Variants in FAM171A1 observed in about 807,000 individuals in gnomAD.
FAM171A1 encodes the protein family with sequence similarity 171 member A1.
In FAM171A1, 23 loss-of-function variants were observed where a neutral mutation model predicts 74.9. That is an observed-to-expected ratio of 0.31 (90% CI 0.22 to 0.44). The LOEUF (loss-of-function observed/expected upper bound fraction) is 0.44, where lower values mean the gene tolerates loss of function less well. FAM171A1 is among the 20% of genes least tolerant of loss of function. The pLI, the probability that FAM171A1 is intolerant of heterozygous loss-of-function variation, is 1.00. For synonymous variants in FAM171A1, 527 were observed against 505.7 expected (o/e 1.04, Z -0.57); for missense variants, 1,162 against 1,159.2 (o/e 1.00, Z -0.03).
At chr10:15,362,422 A>G (rs965584556) in intron 1 of FAM171A1, among the ~76,000 whole-genome samples, 1 of 152,192 alleles carries the variant, frequency 6.6e-6, no homozygotes, top group Non-Finnish European at 1.5e-5. Flanking sequence ...AATCAACATT[A>G]CTGGCCGCCA....
chr10:15,264,473 T>C (rs995790676), intron 3 of FAM171A1, among the ~76,000 whole-genome samples: 1 of 152,166 alleles, frequency 6.6e-6, no homozygotes, highest in Admixed American at 6.5e-5. Flanking sequence ...AATTTTAATA[T>C]GTCATTTATA....
intron 1 of FAM171A1, among the ~76,000 whole-genome samples, chr10:15,331,881 AT>A (rs1835642060): frequency 1.1e-5 from 1 of 90,692 alleles, no homozygotes; most frequent in African/African-American, 4.5e-5. Context: ...GTGTGTATAC[AT>A]ATATATATAT....
At chr10:15,314,901 C>T (rs941800693) in intron 1 of FAM171A1, among the ~76,000 whole-genome samples, 1 of 152,224 alleles carries the variant, frequency 6.6e-6, no homozygotes, top group Non-Finnish European at 1.5e-5. Context: ...GGCTGGTTGG[C>T]GCTGTCTGGG....
intron 3 of FAM171A1, among the ~76,000 whole-genome samples, chr10:15,261,533 A>G (rs1392108599): frequency 6.6e-6 from 1 of 152,214 alleles, no homozygotes; most frequent in African/African-American, 2.4e-5. Context: ...AGTCATGGAA[A>G]CGGCTTGATT....
At chr10:15,271,585 T>G (rs1415912448) in intron 3 of FAM171A1, among the ~76,000 whole-genome samples, 1 of 152,142 alleles carries the variant, frequency 6.6e-6, no homozygotes, top group Admixed American at 6.6e-5. Flanking sequence ...AATTGTCAGA[T>G]TCACCAAAGT....
chr10:15,212,590 C>A lies in FAM171A1; in HGVS notation c.*325G>T, dbSNP rs1042738135. ...TCTGTTCCCAGAATCCGAGGGAGAA[C>A]TGAGGTGATCGTTAGAGCATAGCGA... is the stretch of plus-strand genomic sequence containing the variant. On this transcript the variant is annotated 3_prime_UTR_variant, in exon 8 of 8. Transcript: ENST00000378116. 5.9e-6 allele frequency: 2 copies of A among 337,736 alleles called. No individual in the cohort carries two copies. The highest frequency in any genetic ancestry group is 1.1e-5 in the Non-Finnish European group (2 of 184,860). 20.9% of individuals were successfully genotyped at this position (337,736 alleles called of 1,614,324 possible).
rs780797236 is a variant in FAM171A1 at position 15,220,961 on chromosome 10, A to C, written c.854T>G (p.Met285Arg). 1.5e-5 allele frequency: 24 copies of C among 1,613,802 alleles called. No individual in the cohort carries two copies. Among genetic ancestry groups the C allele is most frequent in the Non-Finnish European group, 1.9e-5 (23 of 1,179,866 alleles). ...CGTGTTACCTGGGATGGGAGGGGAC[A>C]TGGCGGCCACCCAGTACCCCAACTG... ...APQLGYWVAA[M>R]SPPIPGPVVT... The change falls in exon 6 of 8, where the codon ATG (methionine) becomes AGG (arginine). Residue 285 changes from methionine (M) to arginine (R), a missense_variant. By Grantham distance (91) the Met-to-Arg change is moderately conservative (BLOSUM62 -1). Transcript: ENST00000378116.
chr10:15,304,953 C>G (rs1460254715), intron 1 of FAM171A1, among the ~76,000 whole-genome samples: 3 of 152,156 alleles, frequency 2.0e-5, no homozygotes, highest in East Asian at 1.9e-4. Flanking sequence ...ATGCTGGTCT[C>G]AAACTCCTGA....
intron 1 of FAM171A1, among the ~76,000 whole-genome samples, chr10:15,366,357 C>G (rs77857897): frequency 2.0e-5 from 3 of 152,142 alleles, no homozygotes; most frequent in African/African-American, 7.2e-5. Context: ...TGACCTCAAG[C>G]GATCCACCCA....
At chr10:15,255,690 C>T (rs1195252624) in intron 3 of FAM171A1, among the ~76,000 whole-genome samples, 1 of 151,114 alleles carries the variant, frequency 6.6e-6, no homozygotes, top group East Asian at 1.9e-4. Context: ...GCTCTTGTCG[C>T]CCAGGCTGGA....
chr10:15,312,333 C>A (rs1835368780), intron 1 of FAM171A1, among the ~76,000 whole-genome samples: 1 of 152,248 alleles, frequency 6.6e-6, no homozygotes, highest in African/African-American at 2.4e-5. Context: ...CTGTTGCTTA[C>A]TCGCTGCTGA....
chr10:15,267,136 G>A (rs550850356), intron 3 of FAM171A1, among the ~76,000 whole-genome samples: 1 of 152,166 alleles, frequency 6.6e-6, no homozygotes, highest in Non-Finnish European at 1.5e-5. Context: ...TACCCCACAG[G>A]GGGGCTACTG....
At chr10:15,226,871 A>T (rs1364666241) in intron 5 of FAM171A1, among the ~76,000 whole-genome samples, 1 of 151,888 alleles carries the variant, frequency 6.6e-6, no homozygotes, top group Non-Finnish European at 1.5e-5. Context: ...CCCCCACCAC[A>T]ACCACCCCCC....
At chr10:15,349,616 T>C (rs1835855526) in intron 1 of FAM171A1, among the ~76,000 whole-genome samples, 1 of 152,134 alleles carries the variant, frequency 6.6e-6, no homozygotes, top group African/African-American at 2.4e-5. Context: ...TCCTATGCCA[T>C]CAGAAGGATG....
chr10:15,347,245 T>C (rs961333170), intron 1 of FAM171A1, among the ~76,000 whole-genome samples: 6 of 152,280 alleles, frequency 3.9e-5, no homozygotes, highest in East Asian at 1.9e-4. Flanking sequence ...AGCTTTATAG[T>C]TGATAACAGT....
chr10:15,346,044 T>C (rs766566529), intron 1 of FAM171A1, among the ~76,000 whole-genome samples: 1 of 152,160 alleles, frequency 6.6e-6, no homozygotes, highest in East Asian at 1.9e-4. Context: ...CTTCTGTCTA[T>C]GAATGGAATG....
chr10:15,307,646 C>CAAAAAAAAAA (rs560861841), intron 1 of FAM171A1, among the ~76,000 whole-genome samples: 1 of 93,162 alleles, frequency 1.1e-5, no homozygotes, highest in African/African-American at 4.7e-5. Flanking sequence ...AACTCCATTT[C>CAAAAAAAAAA]AAAAAAAAAA....
At chr10:15,247,629 G>C (rs1248128338) in intron 5 of FAM171A1, among the ~76,000 whole-genome samples, 1 of 151,990 alleles carries the variant, frequency 6.6e-6, no homozygotes, top group African/African-American at 2.4e-5. Context: ...TGCTGCTTTT[G>C]GGATTAGGTT....
intron 1 of FAM171A1, among the ~76,000 whole-genome samples, chr10:15,356,548 A>G (rs891781400): frequency 2.0e-5 from 3 of 152,196 alleles, no homozygotes; most frequent in African/African-American, 4.8e-5. Context: ...ACTAGAAATA[A>G]CTTGAGCGCC....
Sources: gnomAD v4.1 joint callset for allele counts (sites outside exome capture counted in the v4.1 genomes callset) on GRCh38, gnomAD v4.1.1 for gene constraint, MANE v1.5 for transcripts, NCBI Gene and HGNC (gene_info 2026-07-23, HGNC 2026-07-21) for gene names.